INPP4B: variants seen among roughly 807,000 people sequenced by gnomAD.
INPP4B encodes the protein inositol polyphosphate 4-phosphatase type II.
A neutral mutation model predicts 122.5 loss-of-function variants in INPP4B; 55 were observed. The ratio of observed to expected loss-of-function variants is 0.45; its 90% CI spans 0.36 to 0.56. INPP4B has a LOEUF of 0.56. Ranked by LOEUF, INPP4B falls within the 20% of genes least tolerant of loss-of-function variation. The pLI, the probability that INPP4B is intolerant of heterozygous loss-of-function variation, is 0.00. For missense variants in INPP4B, 1,000 were observed against 1,097.7 expected, an observed-to-expected ratio of 0.91 and a Z score of 1.26; for synonymous variants, 403 against 388.7, an observed-to-expected ratio of 1.04 and a Z score of -0.43.
At chr4:142,214,252 T>G (rs1846102078) in intron 12 of INPP4B, among the ~76,000 whole-genome samples, 1 of 152,190 alleles carries the variant, frequency 6.6e-6, no homozygotes, top group African/African-American at 2.4e-5. Flanking sequence ...TAGTACATTC[T>G]AGAACTCTAA....
Position 142,027,194 on chromosome 4 carries a change from A to G in INPP4B, c.*1588T>C, listed in dbSNP as rs956972265. The G allele has an allele frequency of 6.6e-6, 1 of 152,182 alleles. No individual in the cohort carries two copies. The highest frequency in any genetic ancestry group is 6.5e-5 in the Admixed American group (1 of 15,274). 9.4% of individuals were successfully genotyped at this position (152,182 alleles called of 1,614,324 possible). On this transcript the variant is annotated 3_prime_UTR_variant, in exon 26 of 26. Transcript: ENST00000262992. ...TCAAGTATAATGCCCACAGGTAATT[A>G]GCTAAAATAAAAAATTGATAATTCT... is the stretch of plus-strand genomic sequence containing the variant.
chr4:142,108,932 T>C (rs28508450), intron 22 of INPP4B, among the ~76,000 whole-genome samples: 13 of 152,266 alleles, frequency 8.5e-5, no homozygotes, highest in Admixed American at 7.2e-4. Context: ...TAGGTGTGAA[T>C]AGAAAATTTC....
chr4:142,288,937 T>G (rs1408728704), intron 9 of INPP4B, among the ~76,000 whole-genome samples: 1 of 152,198 alleles, frequency 6.6e-6, no homozygotes, highest in African/African-American at 2.4e-5. Flanking sequence ...TTCAAGTATA[T>G]TATTTGAACT....
intron 1 of INPP4B, among the ~76,000 whole-genome samples, chr4:142,837,884 A>T (rs80197525): frequency 0.04 from 6,090 of 152,248 alleles, 131 homozygotes; most frequent in African/African-American, 0.059. Context: ...ATCATACAGA[A>T]AATATCCATC....
At chr4:142,354,729 T>C (rs1783014165) in intron 7 of INPP4B, among the ~76,000 whole-genome samples, 1 of 152,046 alleles carries the variant, frequency 6.6e-6, no homozygotes, top group Non-Finnish European at 1.5e-5. Flanking sequence ...TTATTTTAGA[T>C]GTTATTATGT....
At chr4:142,086,904 C>A (rs1438984812) in intron 23 of INPP4B, among the ~76,000 whole-genome samples, 2 of 152,216 alleles carry the variant, frequency 1.3e-5, no homozygotes, top group Non-Finnish European at 1.5e-5. Context: ...ATATAACTTT[C>A]CTTTTTTTGC....
chr4:142,327,337 G>A (rs1041460988), intron 7 of INPP4B, among the ~76,000 whole-genome samples: 7 of 151,714 alleles, frequency 4.6e-5, no homozygotes, highest in Non-Finnish European at 1.5e-5. Flanking sequence ...CCAGATCATT[G>A]ACAACCTGGA....
intron 1 of INPP4B, among the ~76,000 whole-genome samples, chr4:142,752,008 G>A (rs1769803484): frequency 6.6e-6 from 1 of 151,906 alleles, no homozygotes; most frequent in Non-Finnish European, 1.5e-5. Context: ...CTTAACATCT[G>A]TGGAACATAT....
intron 2 of INPP4B, among the ~76,000 whole-genome samples, chr4:142,637,455 C>T (rs1164867872): frequency 6.6e-6 from 1 of 152,092 alleles, no homozygotes; most frequent in Non-Finnish European, 1.5e-5. Context: ...ACGTTTGTAG[C>T]CCTTTTAGAT....
In INPP4B at chr4:142,514,927, C is replaced by T. The variant is rs181975698; in HGVS notation, c.-190-52201G>A. Among the ~76,000 whole-genome samples, 34 of 151,410 alleles carry T rather than the reference C, an allele frequency of 2.2e-4. No individual in the cohort carries two copies. In the East Asian group the frequency reaches 6.1e-3, roughly 27 times the overall value. ...TCTTCTGCCTCAGCCTCCTGAGTAGCTGGGACTACAGGCACCCACCACCAT... is the reference window on the plus strand; with the variant it reads ...TCTTCTGCCTCAGCCTCCTGAGTAGTTGGGACTACAGGCACCCACCACCAT... On this transcript the variant is annotated intron_variant, in intron 2 of 25. Coordinates refer to ENST00000262992, the MANE Select transcript of INPP4B (RefSeq NM_001101669.3).
intron 2 of INPP4B, among the ~76,000 whole-genome samples, chr4:142,602,131 G>A (rs1740143400): frequency 6.6e-6 from 1 of 151,986 alleles, no homozygotes. Context: ...ATTCAGCAAA[G>A]TCTCAGGATA....
intron 1 of INPP4B, among the ~76,000 whole-genome samples, chr4:142,771,541 G>T (rs1773069103): frequency 6.6e-6 from 1 of 152,104 alleles, no homozygotes; most frequent in African/African-American, 2.4e-5. Context: ...TGGAAAAGGA[G>T]ATGGTAAAAA....
intron 18 of INPP4B, among the ~76,000 whole-genome samples, chr4:142,145,033 A>T (rs887277311): frequency 2.6e-5 from 4 of 152,134 alleles, no homozygotes; most frequent in Non-Finnish European, 5.9e-5. Context: ...CCCTAACAGC[A>T]GTTCCTACTG....
chr4:142,465,735 T>C (rs1477925035), intron 2 of INPP4B, among the ~76,000 whole-genome samples: 1 of 152,184 alleles, frequency 6.6e-6, no homozygotes, highest in East Asian at 1.9e-4. Flanking sequence ...GACCGGATCC[T>C]GGGGGAGGAT....
At chr4:142,044,384 A>T (rs1750114341) in intron 25 of INPP4B, among the ~76,000 whole-genome samples, 1 of 152,106 alleles carries the variant, frequency 6.6e-6, no homozygotes, top group African/African-American at 2.4e-5. Context: ...ACAGTCACAG[A>T]TTCAAAGACT....
chr4:142,207,226 G>T (rs374394917), intron 14 of INPP4B, among the ~76,000 whole-genome samples: 9 of 152,096 alleles, frequency 5.9e-5, no homozygotes, highest in African/African-American at 2.2e-4. Flanking sequence ...CTTGGCTACG[G>T]TGAACAATGC....
At chr4:142,729,456 T>A (rs910866021) in intron 1 of INPP4B, among the ~76,000 whole-genome samples, 3 of 152,164 alleles carry the variant, frequency 2.0e-5, no homozygotes, top group Non-Finnish European at 4.4e-5. Context: ...TTTTCCCCCA[T>A]GTCCTTCTTT....
chr4:142,260,120 G>T (rs945542038), intron 11 of INPP4B, among the ~76,000 whole-genome samples: 2 of 152,140 alleles, frequency 1.3e-5, no homozygotes, highest in Non-Finnish European at 2.9e-5. Flanking sequence ...GAATTGCTGG[G>T]ACTACAGGCA....
At chr4:142,647,079 T>C (rs1751945227) in intron 2 of INPP4B, among the ~76,000 whole-genome samples, 1 of 152,106 alleles carries the variant, frequency 6.6e-6, no homozygotes, top group African/African-American at 2.4e-5. Context: ...AGGATAATTT[T>C]CCATAAAGAG....
Sources: gnomAD v4.1 joint callset for allele counts (sites outside exome capture counted in the v4.1 genomes callset) on GRCh38, gnomAD v4.1.1 for gene constraint, MANE v1.5 for transcripts, NCBI Gene and HGNC (gene_info 2026-07-23, HGNC 2026-07-21) for gene names.